The following MEGF10 variants were observed in gnomAD, a reference collection of about 807,000 sequenced individuals.
MEGF10 encodes the protein multiple EGF like domains 10.
In MEGF10, 86 loss-of-function variants were observed where a neutral mutation model predicts 147.5. The ratio of observed to expected loss-of-function variants is 0.58; its 90% CI spans 0.49 to 0.70. The LOEUF (loss-of-function observed/expected upper bound fraction) is 0.70, where lower values mean the gene tolerates loss of function less well. Ranked by LOEUF, MEGF10 falls within the 30% of genes least tolerant of loss-of-function variation. The probability of loss-of-function intolerance (pLI) is 0.00; values close to 1 mark genes in which losing one functional copy is unlikely to be tolerated. For synonymous variants in MEGF10, 478 were observed against 525.5 expected (o/e 0.91, Z 1.24); for missense variants, 1,329 against 1,487.3 (o/e 0.89, Z 1.75).
chr5:127,292,532 C>T (rs1316488266), intron 1 of MEGF10, among the ~76,000 whole-genome samples: 3 of 152,166 alleles, frequency 2.0e-5, no homozygotes, highest in African/African-American at 4.8e-5. Flanking sequence ...AGACTGTGCT[C>T]ATCTGTAAGC....
chr5:127,303,112 G>A (rs879764706), intron 1 of MEGF10, among the ~76,000 whole-genome samples: 10 of 152,024 alleles, frequency 6.6e-5, no homozygotes, highest in Admixed American at 2.0e-4. Context: ...CAAGGTGGGC[G>A]GATCACTTGA....
chr5:127,371,179 C>G (rs1231823035), intron 5 of MEGF10, among the ~76,000 whole-genome samples: 1 of 145,554 alleles, frequency 6.9e-6, no homozygotes, highest in Non-Finnish European at 1.5e-5. Context: ...GTACCTTAAA[C>G]AGGGACTGGG....
chr5:127,316,431 G>A (rs547957231), intron 1 of MEGF10, among the ~76,000 whole-genome samples: 2 of 152,228 alleles, frequency 1.3e-5, no homozygotes, highest in Admixed American at 6.5e-5. Flanking sequence ...GTGCCCATAC[G>A]TTCTTTTCAG....
intron 4 of MEGF10, among the ~76,000 whole-genome samples, chr5:127,368,181 G>C (rs933646516): frequency 6.6e-6 from 1 of 152,146 alleles, no homozygotes; most frequent in African/African-American, 2.4e-5. Context: ...AAATAGTGCA[G>C]GGCCAGTGTG....
At chr5:127,399,320 C>A (rs1345521656) in intron 7 of MEGF10, among the ~76,000 whole-genome samples, 2 of 152,204 alleles carry the variant, frequency 1.3e-5, no homozygotes, top group Admixed American at 6.5e-5. Context: ...AGCTATTCAA[C>A]ATGTTTTCCA....
At chr5:127,257,790 T>C in the MEGF10 span, among the ~76,000 whole-genome samples, 1 of 152,126 alleles carries the variant, frequency 6.6e-6, no homozygotes, top group Non-Finnish European at 1.5e-5. Context: ...ACTCAACTTT[T>C]TGGAGACAAA....
chr5:127,381,042 C>G (rs963252555), intron 5 of MEGF10, among the ~76,000 whole-genome samples: 9 of 152,162 alleles, frequency 5.9e-5, no homozygotes, highest in Non-Finnish European at 1.2e-4. Flanking sequence ...GGCCCCATGA[C>G]TAAGGAAGGT....
At chr5:127,403,574 A>G (rs560466723) in intron 8 of MEGF10, among the ~76,000 whole-genome samples, 8 of 152,002 alleles carry the variant, frequency 5.3e-5, no homozygotes, top group African/African-American at 1.9e-4. Flanking sequence ...AACCATCCCC[A>G]TTTCCTCCAC....
At chr5:127,245,976 G>A in the MEGF10 span, among the ~76,000 whole-genome samples, 2 of 152,220 alleles carry the variant, frequency 1.3e-5, no homozygotes, top group South Asian at 4.1e-4. Context: ...AGAGGATGTG[G>A]AGTAATAGGA....
the MEGF10 span, among the ~76,000 whole-genome samples, chr5:127,280,032 G>T: frequency 1.1e-4 from 16 of 152,250 alleles, no homozygotes; most frequent in Non-Finnish European, 1.5e-5. Flanking sequence ...GTGGGCAAAA[G>T]AGTTTATATA....
intron 5 of MEGF10, among the ~76,000 whole-genome samples, chr5:127,380,022 C>A (rs547589738): frequency 6.6e-6 from 1 of 151,592 alleles, no homozygotes; most frequent in South Asian, 2.1e-4. Context: ...TCCTTTTTAA[C>A]GTTTTTAAAT....
chr5:127,359,655 C>A (rs1449711874), intron 4 of MEGF10, among the ~76,000 whole-genome samples: 1 of 152,042 alleles, frequency 6.6e-6, no homozygotes, highest in Non-Finnish European at 1.5e-5. Context: ...TATCTGATTT[C>A]TTTTACTCAT....
the MEGF10 span, among the ~76,000 whole-genome samples, chr5:127,281,778 G>C: frequency 6.6e-6 from 1 of 152,186 alleles, no homozygotes; most frequent in Non-Finnish European, 1.5e-5. Flanking sequence ...GGCCTAGCAG[G>C]GGCCCCAGTT....
intron 4 of MEGF10, among the ~76,000 whole-genome samples, chr5:127,354,267 T>C (rs2126826474): frequency 6.6e-6 from 1 of 152,284 alleles, no homozygotes; most frequent in South Asian, 2.1e-4. Flanking sequence ...ACACCTGCAG[T>C]TCACTAACCC....
chr5:127,450,194 G>A (rs1054606511), intron 22 of MEGF10, among the ~76,000 whole-genome samples: 7 of 149,424 alleles, frequency 4.7e-5, no homozygotes, highest in African/African-American at 1.3e-4. Flanking sequence ...GAGTGAAAAC[G>A]GCAAATATTG....
chr5:127,237,879 G>A, the MEGF10 span, among the ~76,000 whole-genome samples: 4 of 151,912 alleles, frequency 2.6e-5, no homozygotes, highest in Admixed American at 2.6e-4. Context: ...GTCTTCTACT[G>A]AATATTTGGG....
chr5:127,279,676 C>T, the MEGF10 span, among the ~76,000 whole-genome samples: 1 of 152,088 alleles, frequency 6.6e-6, no homozygotes, highest in Admixed American at 6.5e-5. Flanking sequence ...ACTTGAAAGA[C>T]AATACTCTGT....
At chr5:127,409,334 A>G (rs967534203) in intron 8 of MEGF10, among the ~76,000 whole-genome samples, 1 of 152,202 alleles carries the variant, frequency 6.6e-6, no homozygotes, top group African/African-American at 2.4e-5. Context: ...TGAGAGCCAC[A>G]TGGGAAGTGG....
the MEGF10 span, among the ~76,000 whole-genome samples, chr5:127,265,252 C>CT: frequency 3.6e-3 from 543 of 151,872 alleles, 3 homozygotes; most frequent in African/African-American, 0.013. Flanking sequence ...TGAACTTATC[C>CT]TTTTTTTTCT....
Sources: allele counts gnomAD v4.1 joint callset (sites outside exome capture counted in the v4.1 genomes callset), GRCh38; gene constraint gnomAD v4.1.1; transcripts MANE v1.5; gene names NCBI Gene and HGNC (gene_info 2026-07-23, HGNC 2026-07-21).